The following ARHGAP28 variants were observed in gnomAD, a reference collection of about 807,000 sequenced individuals.
ARHGAP28 encodes rho GTPase-activating protein 28.
ARHGAP28 carries 56 observed loss-of-function variants against 90.7 expected under a neutral mutation model. The ratio of observed to expected loss-of-function variants is 0.62; its 90% CI spans 0.50 to 0.77. The LOEUF is 0.77. Ranked by LOEUF, ARHGAP28 falls within the 30% of genes least tolerant of loss-of-function variation. The probability of loss-of-function intolerance (pLI) is 0.00; values close to 1 mark genes in which losing one functional copy is unlikely to be tolerated. For missense variants in ARHGAP28, 869 were observed against 900.9 expected (o/e 0.96, Z 0.45); for synonymous variants, 308 against 323.3 (o/e 0.95, Z 0.51).
intron 1 of ARHGAP28, among the ~76,000 whole-genome samples, chr18:6,750,206 G>A (rs533983522): frequency 6.6e-6 from 1 of 152,326 alleles, no homozygotes; most frequent in Non-Finnish European, 1.5e-5. Context: ...TTACTCCTAT[G>A]AGGTAGGTGT....
At chr18:6,782,917 A>G (rs73382734) in intron 1 of ARHGAP28, among the ~76,000 whole-genome samples, 24,603 of 151,866 alleles carry the variant, frequency 0.16, 3,393 homozygotes, top group African/African-American at 0.36. Flanking sequence ...TCTTTCCCAA[A>G]TCTTGGAAAT....
intron 3 of ARHGAP28, among the ~76,000 whole-genome samples, chr18:6,841,239 C>T (rs1356629563): frequency 2.2e-5 from 3 of 138,712 alleles, no homozygotes; most frequent in East Asian, 2.1e-4. Context: ...AACCCGCCCC[C>T]ACCAATTGTG....
At chr18:6,798,973 A>G (rs1220578093) in intron 1 of ARHGAP28, among the ~76,000 whole-genome samples, 1 of 152,198 alleles carries the variant, frequency 6.6e-6, no homozygotes, top group Non-Finnish European at 1.5e-5. Flanking sequence ...TCTGATTCCA[A>G]GTAGTTTAAA....
intron 1 of ARHGAP28, among the ~76,000 whole-genome samples, chr18:6,737,461 T>C (rs997203532): frequency 1.3e-5 from 2 of 152,334 alleles, no homozygotes. Context: ...TTATTTCTAA[T>C]ATTGTTACTT....
chr18:6,785,009 AT>A (rs561185967), intron 1 of ARHGAP28, among the ~76,000 whole-genome samples: 42 of 150,910 alleles, frequency 2.8e-4, no homozygotes, highest in Non-Finnish European at 4.3e-4. Flanking sequence ...TGAGGAGCTG[AT>A]TTTTTTTTTC....
intron 5 of ARHGAP28, among the ~76,000 whole-genome samples, chr18:6,865,924 G>A (rs552636858): frequency 2.6e-5 from 4 of 152,240 alleles, no homozygotes; most frequent in Non-Finnish European, 4.4e-5. Context: ...TTAGGGAAAC[G>A]GTGGGCTCAG....
At chr18:6,882,061 G>C in intron 10 of ARHGAP28, 76 bp from the exon 11 acceptor site, 1 of 1,397,124 alleles carries the variant, frequency 7.2e-7, no homozygotes, top group Non-Finnish European at 9.7e-7. Context: ...GTTTATATAA[G>C]AACAGTTTTC....
intron 11 of ARHGAP28, among the ~76,000 whole-genome samples, chr18:6,885,512 TATC>T (rs2057213325): frequency 6.6e-6 from 1 of 152,164 alleles, no homozygotes; most frequent in Non-Finnish European, 1.5e-5. Context: ...AAAGGACTAG[TATC>T]ATCATCAATC....
intron 17 of ARHGAP28, among the ~76,000 whole-genome samples, chr18:6,910,921 T>A (rs1274584891): frequency 6.6e-6 from 1 of 151,590 alleles, no homozygotes; most frequent in Non-Finnish European, 1.5e-5. Flanking sequence ...CTCGGCTCAC[T>A]GCAAGCTCCG....
At chr18:6,870,270 A>G (rs1183510975) in intron 6 of ARHGAP28, among the ~76,000 whole-genome samples, 3 of 152,220 alleles carry the variant, frequency 2.0e-5, no homozygotes, top group Non-Finnish European at 4.4e-5. Context: ...TCATAAGAAT[A>G]TATAGAAATA....
chr18:6,908,898 T>G, intron 16 of ARHGAP28, 62 bp from the exon 17 acceptor site: 2 of 963,972 alleles, frequency 2.1e-6, no homozygotes, highest in Non-Finnish European at 1.6e-6. Context: ...TTATTTAACA[T>G]GCATTTTTAC....
intron 14 of ARHGAP28, 99 bp from the exon 15 acceptor site, chr18:6,894,736 G>A: frequency 1.1e-6 from 1 of 927,798 alleles, no homozygotes; most frequent in Non-Finnish European, 1.7e-6. Flanking sequence ...TATAAATATT[G>A]CCAAAATGTT....
rs1324984501 is a variant in ARHGAP28, at chr18:6,909,285, CTTTTCTTTTCTTTTCT to C, written c.2095+266_2095+281del. ...CTTTTCTTTTCTTTGCTTTTCTTTT[CTTTTCTTTTCTTTTCT>C]TTTTTTTTTGAGACAGAATCTTGCT... is the stretch of plus-strand genomic sequence containing the variant. On this transcript the variant is annotated intron_variant, in intron 17 of 17. Transcript: ENST00000383472. Among the ~76,000 whole-genome samples the C allele has an allele frequency of 1.8e-3, 100 of 54,518 alleles. 1 individual carries two copies. The highest frequency in any genetic ancestry group is 2.7e-3 in the Non-Finnish European group (51 of 18,816). The allele number at this position is 54,518 out of a possible 152,430, so 35.8% of individuals were successfully genotyped here.
intron 3 of ARHGAP28, among the ~76,000 whole-genome samples, chr18:6,838,397 G>T (rs1334849698): frequency 2.6e-5 from 4 of 152,176 alleles, no homozygotes; most frequent in Admixed American, 2.0e-4. Context: ...ATTACTTAAG[G>T]TTGTCTGTAA....
chr18:6,867,522 C>A (rs911691592), intron 5 of ARHGAP28, among the ~76,000 whole-genome samples: 2 of 152,094 alleles, frequency 1.3e-5, no homozygotes, highest in African/African-American at 4.8e-5. Flanking sequence ...CTTCACAGGC[C>A]TTTACCAGGA....
intron 7 of ARHGAP28, among the ~76,000 whole-genome samples, chr18:6,871,910 G>A (rs73386310): frequency 0.014 from 2,093 of 152,154 alleles, 47 homozygotes; most frequent in African/African-American, 0.048. Context: ...TAGTGATTAC[G>A]TCCATTTTAC....
chr18:6,742,173 T>TTC (rs920552914), intron 1 of ARHGAP28, among the ~76,000 whole-genome samples: 2 of 151,310 alleles, frequency 1.3e-5, no homozygotes, highest in Non-Finnish European at 2.9e-5. Flanking sequence ...CTTTTTCTTT[T>TTC]TTTTTTTTTT....
intron 1 of ARHGAP28, among the ~76,000 whole-genome samples, 173 bp from the exon 2 acceptor site, chr18:6,824,589 A>T (rs1361947085): frequency 6.6e-6 from 1 of 152,130 alleles, no homozygotes; most frequent in Non-Finnish European, 1.5e-5. Context: ...GAATTTTTTT[A>T]AAAGGGCCAC....
chr18:6,820,683 A>C (rs2056620906), intron 1 of ARHGAP28, among the ~76,000 whole-genome samples: 1 of 152,238 alleles, frequency 6.6e-6, no homozygotes. Context: ...AAAGAATTGT[A>C]ACTGACTCTC....
Sources: allele counts gnomAD v4.1 joint callset (sites outside exome capture counted in the v4.1 genomes callset), GRCh38; gene constraint gnomAD v4.1.1; transcripts MANE v1.5; gene names NCBI Gene and HGNC (gene_info 2026-07-23, HGNC 2026-07-21).